Variants in MPRIP observed in about 807,000 individuals in gnomAD.
The protein encoded by MPRIP is myosin phosphatase Rho-interacting protein.
Under a neutral mutation model 234.9 loss-of-function variants are expected in MPRIP, and 59 were observed. The ratio of observed to expected loss-of-function variants is 0.25; its 90% CI spans 0.20 to 0.31. The LOEUF (loss-of-function observed/expected upper bound fraction) is 0.31. Among genes scored for constraint, MPRIP ranks in the 10% least tolerant of loss-of-function variants. The pLI is 1.00. For synonymous variants in MPRIP, 1,144 were observed against 1,263.9 expected, an observed-to-expected ratio of 0.91 and a Z score of 2.01; for missense variants, 2,436 against 3,071.0, an observed-to-expected ratio of 0.79 and a Z score of 4.89.
chr17:17,061,071 C>A (rs2088853807), intron 1 of MPRIP, among the ~76,000 whole-genome samples: 1 of 152,198 alleles, frequency 6.6e-6, no homozygotes, highest in Non-Finnish European at 1.5e-5. Flanking sequence ...TGAGAACCCA[C>A]TGTGGGTGAG....
intron 3 of MPRIP, among the ~76,000 whole-genome samples, chr17:17,087,251 G>A (rs2089611825): frequency 6.6e-6 from 1 of 152,202 alleles, no homozygotes; most frequent in African/African-American, 2.4e-5. Context: ...GGGAGTGACT[G>A]AACCACAGAT....
Position 17,167,506 on chromosome 17 carries a change from G to C in MPRIP, c.5915G>C (p.Arg1972Pro), listed in dbSNP as rs1225296207. ...AGCACACTGCAGGCTGAGCGCAGCC[G>C]GGTCCTGAGCCAGCTGGATGCCTCG... ...TESTLQAERS[R>P]VLSQLDASVR... The change falls in exon 16 of 24, where the codon CGG becomes CCG. Residue 1972 changes from arginine to proline, a missense_variant. Transcript: ENST00000651222. The surrounding 1 kb of genome is among the most constrained non-coding windows in gnomAD (Gnocchi z 5.9). 1.8e-5 allele frequency: 23 copies of C among 1,304,094 alleles called. No homozygotes were observed. The highest frequency in any genetic ancestry group is 2.2e-5 in the Non-Finnish European group (22 of 988,974). The allele number at this position is 1,304,094 out of a possible 1,614,324, so 80.8% of individuals were successfully genotyped here. A position where few individuals can be genotyped will look rare whatever the true frequency, so the allele number is the denominator to read the frequency against.
intron 17 of MPRIP, 33 bp from the exon 18 acceptor site, chr17:17,172,665 C>A: frequency 1.3e-6 from 2 of 1,576,984 alleles, no homozygotes; most frequent in South Asian, 2.2e-5. Flanking sequence ...AGGGCGTGGT[C>A]CCTCGGTGCT....
intron 1 of MPRIP, among the ~76,000 whole-genome samples, chr17:17,049,113 A>G (rs1477856462): frequency 1.3e-5 from 2 of 152,260 alleles, no homozygotes; most frequent in Non-Finnish European, 2.9e-5. Context: ...GATTCCATTT[A>G]TGTAAAATGT....
intron 18 of MPRIP, among the ~76,000 whole-genome samples, 163 bp downstream of exon 18, chr17:17,172,978 A>G (rs772204169): frequency 6.6e-6 from 1 of 152,256 alleles, no homozygotes; most frequent in African/African-American, 2.4e-5. Flanking sequence ...CCAGTGCAGG[A>G]TATGGCCCAA....
At chr17:17,102,692 C>T (rs1183437067) in intron 3 of MPRIP, among the ~76,000 whole-genome samples, 1 of 152,226 alleles carries the variant, frequency 6.6e-6, no homozygotes, top group Non-Finnish European at 1.5e-5. Flanking sequence ...ACAGGTACCC[C>T]TCACTCTGTG....
intron 3 of MPRIP, chr17:17,097,039 C>T (rs139583540): frequency 3.7e-4 from 114 of 309,898 alleles, no homozygotes; most frequent in Middle Eastern, 2.4e-3. Flanking sequence ...GAAGAACAAT[C>T]TAGGAACATT....
Position 17,075,707 on chromosome 17 carries a change from T to C in MPRIP, c.124-3T>C. ...GTGACCTGCCCTCTTTTTTCTCCTCTAGGCAAAACCCATTTATGGCGGTTG... is the reference window on the plus strand; with the variant it reads ...GTGACCTGCCCTCTTTTTTCTCCTCCAGGCAAAACCCATTTATGGCGGTTG... On this transcript the variant is annotated splice_polypyrimidine_tract_variant and splice_region_variant and intron_variant, in intron 1 of 23. Transcript: ENST00000651222. The C allele has an allele frequency of 6.2e-7, 1 of 1,614,058 alleles. No homozygotes were observed. Among genetic ancestry groups the C allele is most frequent in the Non-Finnish European group, 8.5e-7 (1 of 1,179,916 alleles).
At chr17:17,051,450 C>A (rs761774340) in intron 1 of MPRIP, among the ~76,000 whole-genome samples, 3 of 152,170 alleles carry the variant, frequency 2.0e-5, no homozygotes, top group Non-Finnish European at 4.4e-5. Context: ...CACCGTTGGA[C>A]CAGGTGGATG....
intron 3 of MPRIP, among the ~76,000 whole-genome samples, chr17:17,085,102 G>T (rs1403588103): frequency 6.6e-6 from 1 of 152,186 alleles, no homozygotes; most frequent in Non-Finnish European, 1.5e-5. Context: ...GCAAGGGAAA[G>T]GAGGCAGGTC....
chr17:17,146,203 A>G, intron 10 of MPRIP, 111 bp downstream of exon 10: 4 of 931,246 alleles, frequency 4.3e-6, no homozygotes, highest in South Asian at 2.8e-5. Context: ...TTCCTCCTCC[A>G]TGCCCCTTGT....
intron 3 of MPRIP, among the ~76,000 whole-genome samples, chr17:17,101,682 TTG>T (rs2089964805): frequency 6.6e-6 from 1 of 152,100 alleles, no homozygotes; most frequent in African/African-American, 2.4e-5. Context: ...AGGACTTCAG[TTG>T]TGTATATATT....
chr17:17,087,914 C>G (rs1392641989), intron 3 of MPRIP, among the ~76,000 whole-genome samples: 1 of 152,178 alleles, frequency 6.6e-6, no homozygotes, highest in Non-Finnish European at 1.5e-5. Context: ...CAGGACTGTC[C>G]CGTGCGCTTA....
intron 3 of MPRIP, among the ~76,000 whole-genome samples, chr17:17,096,129 C>T (rs776017950): frequency 3.9e-5 from 6 of 152,138 alleles, no homozygotes; most frequent in African/African-American, 1.2e-4. Flanking sequence ...CCTGTCGACA[C>T]GTGTTGGTGT....
intron 4 of MPRIP, among the ~76,000 whole-genome samples, chr17:17,127,517 C>G (rs1378514815): frequency 6.6e-6 from 1 of 152,268 alleles, no homozygotes; most frequent in Middle Eastern, 3.2e-3. Context: ...CCAGAGCTCC[C>G]AGTCTAGCAG....
intron 21 of MPRIP, 66 bp from the exon 22 acceptor site, chr17:17,177,184 A>C: frequency 4.1e-6 from 6 of 1,462,438 alleles, no homozygotes; most frequent in Non-Finnish European, 5.7e-6. Flanking sequence ...CCAGGAAGAC[A>C]GGCCATGTTG....
intron 3 of MPRIP, among the ~76,000 whole-genome samples, chr17:17,088,654 C>G (rs1206227817): frequency 1.3e-5 from 2 of 152,154 alleles, no homozygotes; most frequent in Admixed American, 6.5e-5. Context: ...ACCTTTTAGG[C>G]TTCCCTTGCT....
chr17:17,113,880 C>CTTTTTTTTTTT (rs1236846171), intron 3 of MPRIP, among the ~76,000 whole-genome samples: 120 of 93,200 alleles, frequency 1.3e-3, no homozygotes, highest in African/African-American at 3.0e-3. Flanking sequence ...CTTTTCTTTT[C>CTTTTTTTTTTT]TTTTCTTTTT....
At chr17:17,176,615 G>T in intron 21 of MPRIP, 103 bp downstream of exon 21, 1 of 885,030 alleles carries the variant, frequency 1.1e-6, no homozygotes, top group Non-Finnish European at 1.8e-6. Context: ...TTCTGAAGCA[G>T]ATTTTACTCT....
Sources: gnomAD v4.1 joint callset for allele counts (sites outside exome capture counted in the v4.1 genomes callset) on GRCh38, gnomAD v4.1.1 for gene constraint, Gnocchi (gnomAD v3.1) non-coding constraint, MANE v1.5 for transcripts, NCBI Gene and HGNC (gene_info 2026-07-23, HGNC 2026-07-21) for gene names.